DDX50: variants seen among roughly 807,000 people sequenced by gnomAD.
The protein encoded by DDX50 is DExD-box helicase 50.
Under a neutral mutation model 94.8 loss-of-function variants are expected in DDX50, and 56 were observed. That is an observed-to-expected ratio of 0.59 (90% CI 0.48 to 0.74). The LOEUF (loss-of-function observed/expected upper bound fraction) is 0.74, where lower values mean the gene tolerates loss of function less well. Among genes scored for constraint, DDX50 ranks in the 30% least tolerant of loss-of-function variants. The pLI is 0.00. For missense variants in DDX50, 713 were observed against 881.2 expected (o/e 0.81, Z 2.42); for synonymous variants, 264 against 295.4 (o/e 0.89, Z 1.09).
At chr10:68,938,135 T>C (rs1414950001) in intron 12 of DDX50, among the ~76,000 whole-genome samples, 3 of 152,232 alleles carry the variant, frequency 2.0e-5, no homozygotes, top group African/African-American at 7.2e-5. Context: ...AATGCTCACT[T>C]TGCACAGACC....
chr10:68,920,534 CA>C (rs1159239003), intron 8 of DDX50, among the ~76,000 whole-genome samples: 1 of 151,892 alleles, frequency 6.6e-6, no homozygotes. Flanking sequence ...AAAGTTGAAA[CA>C]AAATGAATTT....
intron 8 of DDX50, among the ~76,000 whole-genome samples, chr10:68,930,172 C>T (rs1188561381): frequency 6.3e-5 from 8 of 126,228 alleles, no homozygotes; most frequent in Non-Finnish European, 9.4e-5. Context: ...AGCTGGAGTA[C>T]GATGATGTGA....
At chr10:68,922,256 A>G (rs2132039050) in intron 8 of DDX50, among the ~76,000 whole-genome samples, 1 of 152,088 alleles carries the variant, frequency 6.6e-6, no homozygotes, top group East Asian at 1.9e-4. Flanking sequence ...CTATTCACAG[A>G]TGTAATCATG....
intron 1 of DDX50, chr10:68,906,434 C>T: frequency 3.1e-5 from 9 of 286,414 alleles, no homozygotes; most frequent in East Asian, 1.5e-4. Context: ...TCTTTCTTTC[C>T]CTGAGGAGAA....
chr10:68,910,943 A>C lies in DDX50; in HGVS notation c.461-125A>C, dbSNP rs1428513783. The C allele has an allele frequency of 4.6e-6, 3 of 651,144 alleles. No individual in the cohort carries two copies. The African/African-American group carries it at 5.6e-5, about 12-fold the overall frequency. The allele number at this position is 651,144 out of a possible 1,614,324, so 40.3% of individuals were successfully genotyped here. A position where few individuals can be genotyped will look rare whatever the true frequency, so the allele number is the denominator to read the frequency against. On this transcript the variant is annotated intron_variant, in intron 3 of 14. Coordinates refer to ENST00000373585, the MANE Select transcript of DDX50 (RefSeq NM_024045.2). ...GTAATGCTTGTTTGTGGTAGGAATA[A>C]CTGTGTCACCAGGTGGCATGTCTTT...
chr10:68,931,411 GTATATA>G (rs71031810), intron 8 of DDX50, among the ~76,000 whole-genome samples: 68 of 69,216 alleles, frequency 9.8e-4, no homozygotes, highest in African/African-American at 4.3e-3. Context: ...ATATATATAT[GTATATA>G]TATATATATA....
intron 8 of DDX50, among the ~76,000 whole-genome samples, chr10:68,921,166 C>T (rs1841930005): frequency 2.1e-5 from 3 of 146,214 alleles, no homozygotes; most frequent in Non-Finnish European, 3.0e-5. Context: ...GGTTATGTAT[C>T]TCTAAAAAGG....
intron 12 of DDX50, among the ~76,000 whole-genome samples, chr10:68,937,634 G>A (rs1308119620): frequency 7.6e-6 from 1 of 131,448 alleles, no homozygotes; most frequent in Non-Finnish European, 1.5e-5. Flanking sequence ...TACCCAGGCT[G>A]GAGTGCAATT....
At chr10:68,930,690 T>G (rs1331642648) in intron 8 of DDX50, among the ~76,000 whole-genome samples, 1 of 152,136 alleles carries the variant, frequency 6.6e-6, no homozygotes, top group East Asian at 1.9e-4. Context: ...AGGGTCTCAC[T>G]CTGTCCCCCA....
At position 68,931,392 on chromosome 10, in the gene DDX50, A is replaced by AAAT. The variant is rs1256416800; in HGVS notation, c.1240-2806_1240-2805insATA. 5.1e-3 allele frequency among the ~76,000 whole-genome samples: 436 copies of AAAT among 85,744 alleles called. 1 individual carries two copies. The highest frequency in any genetic ancestry group is 7.6e-3 in the Non-Finnish European group (356 of 46,720). The allele number at this position is 85,744 out of a possible 152,430, so 56.3% of individuals were successfully genotyped here. On this transcript the variant is annotated intron_variant, in intron 8 of 14. Transcript: ENST00000373585. ...TGGGTGACGGATCATTAAAAAAAAA[A>AAAT]ATATATATATATATATATGTATATA... is the stretch of plus-strand genomic sequence containing the variant.
chr10:68,911,113 G>T lies in DDX50; in HGVS notation c.506G>T (p.Gly169Val). The change falls in exon 4 of 15, where the codon GGT (glycine) becomes GTT (valine). Residue 169 changes from glycine (G) to valine (V), a missense_variant. Transcript: ENST00000373585. ...TTTCCTATTCAAGTTAAGACCTTTGGTCCTGTATATGAAGGAAAAGATTTA... is the reference window on the plus strand; with the variant it reads ...TTTCCTATTCAAGTTAAGACCTTTGTTCCTGTATATGAAGGAAAAGATTTA... The part of the protein sequence containing the change: ...YLFPIQVKTF[G>V]PVYEGKDLIA... 1 of 1,603,922 alleles carries T rather than the reference G, an allele frequency of 6.2e-7. No individual in the cohort carries two copies.
At chr10:68,923,025 G>A (rs1459721875) in intron 8 of DDX50, among the ~76,000 whole-genome samples, 2 of 145,468 alleles carry the variant, frequency 1.4e-5, no homozygotes, top group South Asian at 2.2e-4. Context: ...TCTTGACCTC[G>A]TGATCTGCCC....
chr10:68,902,455 T>A (rs1189842067), intron 1 of DDX50, among the ~76,000 whole-genome samples: 2 of 152,228 alleles, frequency 1.3e-5, no homozygotes, highest in Non-Finnish European at 2.9e-5. Context: ...CTAACACTTT[T>A]ATTGTGCTAA....
At chr10:68,943,930 T>C (rs1235529247) in intron 14 of DDX50, among the ~76,000 whole-genome samples, 1 of 152,206 alleles carries the variant, frequency 6.6e-6, no homozygotes, top group Non-Finnish European at 1.5e-5. Context: ...GAGGGACTTG[T>C]ATAATGAATC....
At chr10:68,914,293 C>T (rs916631952) in intron 7 of DDX50, 89 bp downstream of exon 7, 1 of 1,381,176 alleles carries the variant, frequency 7.2e-7, no homozygotes, top group Non-Finnish European at 1.0e-6. Context: ...TTTTGGGTAC[C>T]TCTTCATGCC....
intron 13 of DDX50, among the ~76,000 whole-genome samples, chr10:68,942,488 C>T: frequency 6.6e-6 from 1 of 152,116 alleles, no homozygotes; most frequent in East Asian, 1.9e-4. Flanking sequence ...GAAAAAATAG[C>T]AAGATCCATA....
intron 8 of DDX50, among the ~76,000 whole-genome samples, chr10:68,930,103 T>C (rs1258807488): frequency 2.8e-4 from 37 of 134,092 alleles, no homozygotes; most frequent in African/African-American, 8.7e-4. Context: ...TTCCTTCCTT[T>C]CTTTCCTTTC....
At chr10:68,922,353 T>C (rs1468249153) in intron 8 of DDX50, among the ~76,000 whole-genome samples, 1 of 152,178 alleles carries the variant, frequency 6.6e-6, no homozygotes, top group Non-Finnish European at 1.5e-5. Flanking sequence ...TTAAAAAATC[T>C]GTTGTGTTTA....
At position 68,911,119 on chromosome 10, in the gene DDX50, T is replaced by C. The variant is rs1841613811; in HGVS notation, c.512T>C (p.Val171Ala). 1 of 1,609,446 alleles carries C rather than the reference T, an allele frequency of 6.2e-7. No individual in the cohort carries two copies. The highest frequency in any genetic ancestry group is 1.3e-5 in the African/African-American group (1 of 74,782). Reference sequence around the variant, plus strand: ...ATTCAAGTTAAGACCTTTGGTCCTGTATATGAAGGAAAAGATTTAATAGCT... The same window carrying C: ...ATTCAAGTTAAGACCTTTGGTCCTGCATATGAAGGAAAAGATTTAATAGCT... ...FPIQVKTFGP[V>A]YEGKDLIAQA... The change falls in exon 4 of 15, where the codon GTA becomes GCA. Residue 171 changes from valine to alanine, a missense_variant. Around this residue, in one of 2 missense-constraint regions of DDX50, gnomAD observed 285 missense variants for 278.9 expected, o/e 1.02. Coordinates refer to ENST00000373585, the MANE Select transcript of DDX50 (RefSeq NM_024045.2).
Sources: gnomAD v4.1 joint callset for allele counts (sites outside exome capture counted in the v4.1 genomes callset) on GRCh38, gnomAD v4.1.1 for gene constraint, gnomAD v4.1.1 regional missense constraint, MANE v1.5 for transcripts, NCBI Gene and HGNC (gene_info 2026-07-23, HGNC 2026-07-21) for gene names.